The following FAT4 variants were observed in gnomAD, a reference collection of about 807,000 sequenced individuals.
FAT4 encodes FAT atypical cadherin 4.
In FAT4, 84 loss-of-function variants were observed where a neutral mutation model predicts 303.9. That is an observed-to-expected ratio of 0.28 (90% CI 0.23 to 0.33). The LOEUF (loss-of-function observed/expected upper bound fraction) is 0.33. Among genes scored for constraint, FAT4 ranks in the 10% least tolerant of loss-of-function variants. FAT4 has a pLI of 1.00. For missense variants in FAT4, 6,005 were observed against 6,146.8 expected, an observed-to-expected ratio of 0.98 and a Z score of 0.77; for synonymous variants, 2,307 against 2,298.8, an observed-to-expected ratio of 1.00 and a Z score of -0.10.
At chr4:125,338,986 C>G (rs1441503927) in intron 2 of FAT4, among the ~76,000 whole-genome samples, 2 of 152,064 alleles carry the variant, frequency 1.3e-5, no homozygotes, top group Admixed American at 1.3e-4. Flanking sequence ...GCTTATCAGT[C>G]CTGATGTGCT....
chr4:125,467,028 C>T (rs145649582), intron 11 of FAT4, among the ~76,000 whole-genome samples: 3,222 of 152,172 alleles, frequency 0.021, 115 homozygotes, highest in African/African-American at 0.074. Context: ...CCGCCCACCT[C>T]GGCCTCCCAA....
intron 10 of FAT4, among the ~76,000 whole-genome samples, chr4:125,457,756 C>G (rs1419768006): frequency 6.6e-6 from 1 of 151,890 alleles, no homozygotes; most frequent in African/African-American, 2.4e-5. Context: ...TGTAATGACA[C>G]CAAAAATTAA....
chr4:125,465,984 C>G (rs1370008264), intron 11 of FAT4, among the ~76,000 whole-genome samples: 1 of 152,024 alleles, frequency 6.6e-6, no homozygotes, highest in Non-Finnish European at 1.5e-5. Flanking sequence ...AAATAAATAG[C>G]CAGAGGTAGG....
chr4:125,420,662 A>T (rs1307246364), intron 7 of FAT4, among the ~76,000 whole-genome samples: 1 of 152,180 alleles, frequency 6.6e-6, no homozygotes, highest in Non-Finnish European at 1.5e-5. Context: ...GTTTAGTGTG[A>T]TGTGACAAAT....
In FAT4 at chr4:125,450,082, C is replaced by A; in HGVS notation, c.9072C>A (p.Phe3024Leu). 1.9e-6 allele frequency: 3 copies of A among 1,613,804 alleles called. No homozygotes were observed. The highest frequency in any genetic ancestry group is 2.2e-5 in the South Asian group (2 of 91,062). Residue 3024 changes from phenylalanine to leucine, a missense_variant, in exon 10 of 18, where the codon TTC becomes TTA. Physicochemically the swap from Phe to Leu is conservative, Grantham distance 22. Transcript: ENST00000394329. ...DFGLNSEVEY[F>L]ISNDNHLGKF... ...GACTGAATTCAGAAGTGGAGTATTT[C>A]ATTTCTAATGATAACCATTTAGGAA...
intron 7 of FAT4, among the ~76,000 whole-genome samples, chr4:125,433,274 T>C (rs1215307494): frequency 2.0e-5 from 3 of 152,210 alleles, no homozygotes; most frequent in African/African-American, 7.2e-5. Context: ...AGAATTTAAA[T>C]GTCATATTAA....
chr4:125,477,895 C>T (rs913025492), intron 14 of FAT4, among the ~76,000 whole-genome samples: 24 of 151,792 alleles, frequency 1.6e-4, no homozygotes, highest in Admixed American at 1.4e-3. Flanking sequence ...TGTTCATTAT[C>T]GAAGTTTGAA....
chr4:125,327,134 A>T (rs922640155), intron 2 of FAT4, among the ~76,000 whole-genome samples: 1 of 152,210 alleles, frequency 6.6e-6, no homozygotes, highest in African/African-American at 2.4e-5. Context: ...AGGCATCATT[A>T]GTGGTGGTAG....
intron 2 of FAT4, among the ~76,000 whole-genome samples, chr4:125,369,827 T>A (rs1733037593): frequency 2.6e-5 from 4 of 152,176 alleles, no homozygotes; most frequent in East Asian, 1.9e-4. Flanking sequence ...TCTGTTCCCA[T>A]GAAGTTGACT....
chr4:125,438,196 T>C (rs1725526103), intron 8 of FAT4, among the ~76,000 whole-genome samples: 1 of 152,216 alleles, frequency 6.6e-6, no homozygotes, highest in Admixed American at 6.5e-5. Flanking sequence ...AATTCCTGAA[T>C]ATGAAGTTGA....
intron 2 of FAT4, among the ~76,000 whole-genome samples, chr4:125,379,717 C>T (rs1733466979): frequency 6.6e-6 from 1 of 152,006 alleles, no homozygotes; most frequent in South Asian, 2.1e-4. Flanking sequence ...ACCTCGGCCT[C>T]CCAAAGTGCT....
At chr4:125,461,755 C>A (rs1046336718) in intron 10 of FAT4, among the ~76,000 whole-genome samples, 4 of 151,610 alleles carry the variant, frequency 2.6e-5, no homozygotes, top group African/African-American at 9.7e-5. Context: ...GACAACTAAT[C>A]AAAAATATGG....
At chr4:125,460,411 C>A (rs1726442300) in intron 10 of FAT4, among the ~76,000 whole-genome samples, 1 of 151,884 alleles carries the variant, frequency 6.6e-6, no homozygotes, top group Admixed American at 6.6e-5. Context: ...AAATAGTGAT[C>A]TTTCCTGCTC....
chr4:125,418,684 A>G (rs1272278407), intron 7 of FAT4, among the ~76,000 whole-genome samples: 1 of 152,194 alleles, frequency 6.6e-6, no homozygotes, highest in African/African-American at 2.4e-5. Context: ...TTCATTATGC[A>G]TTACTTATAG....
chr4:125,431,559 A>G (rs780082703), intron 7 of FAT4, among the ~76,000 whole-genome samples: 3 of 152,224 alleles, frequency 2.0e-5, no homozygotes, highest in Non-Finnish European at 2.9e-5. Flanking sequence ...AAACAAGTAC[A>G]AGAAGAACAA....
intron 11 of FAT4, among the ~76,000 whole-genome samples, chr4:125,464,384 G>C (rs573347848): frequency 3.3e-5 from 5 of 152,036 alleles, no homozygotes; most frequent in Admixed American, 6.5e-5. Context: ...GGAAGCATTT[G>C]TATTAGCTTG....
intron 2 of FAT4, among the ~76,000 whole-genome samples, chr4:125,333,008 G>C (rs909696021): frequency 6.6e-6 from 1 of 151,274 alleles, no homozygotes; most frequent in Non-Finnish European, 1.5e-5. Flanking sequence ...TTATACATTG[G>C]CTTCATTCTA....
chr4:125,391,432 T>A (rs6534477), intron 2 of FAT4, among the ~76,000 whole-genome samples: 144,821 of 152,100 alleles, frequency 0.95, 69,329 homozygotes, highest in East Asian at 1. Flanking sequence ...AAAACCATAT[T>A]CTGCATGCTC....
chr4:125,490,761 C>G lies in FAT4; in HGVS notation c.13945C>G (p.Pro4649Ala), dbSNP rs751422307. ...QHYKQFRSHT[P>A]KFSIQRHSPL... ...CTACAAGCAGTTCCGCAGCCACACA[C>G]CAAAATTTTCAATCCAGAGGCACAG... is the stretch of plus-strand genomic sequence containing the variant. Residue 4649 changes from proline (P) to alanine (A), a missense_variant, in exon 18 of 18, where the codon CCA (proline) becomes GCA (alanine). Transcript: ENST00000394329. The G allele has an allele frequency of 6.2e-7, 1 of 1,614,098 alleles. No homozygotes were observed. The highest frequency in any genetic ancestry group is 8.5e-7 in the Non-Finnish European group (1 of 1,180,036).
Sources: allele counts gnomAD v4.1 joint callset (sites outside exome capture counted in the v4.1 genomes callset), GRCh38; gene constraint gnomAD v4.1.1; transcripts MANE v1.5; gene names NCBI Gene and HGNC (gene_info 2026-07-23, HGNC 2026-07-21).